The following GHRL variants were observed in gnomAD, a reference collection of about 807,000 sequenced individuals.
GHRL encodes the protein ghrelin and obestatin prepropeptide.
In GHRL, 24 loss-of-function variants were observed where a neutral mutation model predicts 16.9. That is an observed-to-expected ratio of 1.42 (90% CI 1.03 to 2.00). GHRL has a LOEUF of 2.00. Ranked by LOEUF, GHRL falls within the 30% of genes most tolerant of loss-of-function variation. GHRL has a pLI of 0.00. For missense variants in GHRL, 193 were observed against 142.1 expected (o/e 1.36, Z -1.82); for synonymous variants, 63 against 58.2 (o/e 1.08, Z -0.37).
At chr3:10,291,680 C>G (rs3755777) in intron 1 of GHRL, among the ~76,000 whole-genome samples, 35,348 of 152,188 alleles carry the variant, frequency 0.23, 5,561 homozygotes, top group East Asian at 0.49. Flanking sequence ...TTCCCTCGGC[C>G]CCAGGAATTT....
In GHRL at chr3:10,289,896, T is replaced by A. The variant is rs1488027720; in HGVS notation, c.109-18A>T. The A allele has an allele frequency of 6.3e-7, 1 of 1,584,626 alleles. No homozygotes were observed. On this transcript the variant is annotated intron_variant, in intron 3 of 5. Transcript: ENST00000335542. ...TTTCTCTGCTGGAAGGGGGAAACAG[T>A]CTGTTTAGGACTCTAAGCCCCCATG...
rs368444497 is a variant in GHRL, at chr3:10,289,620, C to T, written c.225+142G>A. The T allele has an allele frequency of 4.5e-4, 322 of 720,692 alleles. 4 individuals carry two copies. Among genetic ancestry groups the T allele is most frequent in the South Asian group, 4.1e-3 (265 of 65,284 alleles). 44.6% of individuals were successfully genotyped at this position (720,692 alleles called of 1,614,324 possible). On this transcript the variant is annotated intron_variant, in intron 4 of 5. Transcript: ENST00000335542. ...AGACCTCACAGAGCCCAGGGCAGAG[C>T]TCAACTCCTGTGGTACTGGTTTTAT... is the stretch of plus-strand genomic sequence containing the variant.
intron 1 of GHRL, 57 bp from the exon 2 acceptor site, chr3:10,291,508 C>T (rs1434372708): frequency 2.1e-6 from 2 of 968,012 alleles, no homozygotes; most frequent in African/African-American, 1.8e-5. Context: ...ATTGACTGGC[C>T]TTACGCCGAC....
At chr3:10,285,931 A>G (rs757622562) in intron 5 of GHRL, 37 bp from the exon 6 acceptor site, 4 of 1,599,336 alleles carry the variant, frequency 2.5e-6, no homozygotes, top group Admixed American at 3.4e-5. Context: ...TGCTGGGTGC[A>G]CCGTCCTGCT....
intron 4 of GHRL, 22 bp downstream of exon 4, chr3:10,289,740 A>G (rs756702651): frequency 7.0e-7 from 1 of 1,432,464 alleles, no homozygotes; most frequent in South Asian, 1.1e-5. Context: ...CCACAGAAGC[A>G]TAAAACTGCA....
rs997230125 is a variant in GHRL, at chr3:10,291,617, T to C, written c.-765-166A>G. On this transcript the variant is annotated intron_variant, in intron 1 of 5. Transcript: ENST00000335542. ...TGAAACACCCTGCAGATGACAATGG[T>C]TTCATACCAGGCCCATAGGACTTCC... Among the ~76,000 whole-genome samples the C allele has an allele frequency of 3.3e-5, 5 of 152,254 alleles. No individual in the cohort carries two copies. The East Asian group carries it at 5.8e-4, about 18-fold the overall frequency.
rs1211206146 is a variant in GHRL at position 10,287,941 on chromosome 3, T to TTA, written c.226-1130_226-1129insTA. 19 of 146,026 alleles carry TTA rather than the reference T, an allele frequency of 1.3e-4. No individual in the cohort carries two copies. In the South Asian group the frequency reaches 1.8e-3, roughly 13 times the overall value. The allele number at this position is 146,026 out of a possible 1,614,324, so 9.0% of individuals were successfully genotyped here. A position where few individuals can be genotyped will look rare whatever the true frequency, so the allele number is the denominator to read the frequency against. On this transcript the variant is annotated intron_variant, in intron 4 of 5. Coordinates refer to ENST00000335542, the MANE Select transcript of GHRL (RefSeq NM_016362.5). ...TTTTTTTTTTTTTTTTTTTTTTTTT[T>TTA]AAGGAGAGTTGGGGCCTTCCATTCC...
Position 10,290,826 on chromosome 3 carries a change from G to A in GHRL, c.-140C>T. 1.0e-6 allele frequency: 1 copy of A among 986,940 alleles called. No individual in the cohort carries two copies. Among genetic ancestry groups the A allele is most frequent in the Non-Finnish European group, 1.2e-6 (1 of 830,962 alleles). 61.1% of individuals were successfully genotyped at this position (986,940 alleles called of 1,614,324 possible). A position where few individuals can be genotyped will look rare whatever the true frequency, so the allele number is the denominator to read the frequency against. Reference sequence around the variant, plus strand: ...TCCCAGAGGTGGCCTAGCTTCCGTGGGGCTGATGTACATTCCTTGGGAACT... The same window carrying A: ...TCCCAGAGGTGGCCTAGCTTCCGTGAGGCTGATGTACATTCCTTGGGAACT... On this transcript the variant is annotated 5_prime_UTR_variant, in exon 2 of 6. Transcript: ENST00000335542.
At chr3:10,290,311 T>G (rs1341537972) in intron 2 of GHRL, 102 bp from the exon 3 acceptor site, 16 of 1,172,026 alleles carry the variant, frequency 1.4e-5, no homozygotes, top group Non-Finnish European at 1.9e-5. Flanking sequence ...CTTTACCATC[T>G]GGGGTCCTGA....
In GHRL at chr3:10,290,931, A is replaced by C. The variant is rs2125218647; in HGVS notation, c.-245T>G. ...GGAATTGCTGGGTTGGCGAGGGAAG[A>C]AGCATGTGCTCCAGCTGTCCCTGGA... On this transcript the variant is annotated 5_prime_UTR_variant, in exon 2 of 6. Coordinates refer to ENST00000335542, the MANE Select transcript of GHRL (RefSeq NM_016362.5). The C allele has an allele frequency of 9.1e-6, 9 of 985,690 alleles. No homozygotes were observed. The highest frequency in any genetic ancestry group is 9.6e-6 in the Non-Finnish European group (8 of 830,092). 61.1% of individuals were successfully genotyped at this position (985,690 alleles called of 1,614,324 possible). A position where few individuals can be genotyped will look rare whatever the true frequency, so the allele number is the denominator to read the frequency against.
chr3:10,285,937 C>G, intron 5 of GHRL, 43 bp from the exon 6 acceptor site: 1 of 1,583,226 alleles, frequency 6.3e-7, no homozygotes, highest in Non-Finnish European at 8.7e-7. Context: ...GTGCACCGTC[C>G]TGCTAGTGCT....
chr3:10,286,486 C>G (rs947463997), intron 5 of GHRL, among the ~76,000 whole-genome samples: 7 of 152,232 alleles, frequency 4.6e-5, no homozygotes, highest in African/African-American at 1.7e-4. Flanking sequence ...AGTTAATGTA[C>G]TAGTTCTTAG....
Position 10,290,771 on chromosome 3 carries a change from A to C in GHRL, c.-85T>G, listed in dbSNP as rs1699891245. The stretch of plus-strand genomic sequence containing the variant: ...GGCTGTCAGGTCCTTATATAGGATG[A>C]CTGGCGTTTGTTCTAAACCAGCAAC... On this transcript the variant is annotated 5_prime_UTR_variant, in exon 2 of 6. Transcript: ENST00000335542. The C allele has an allele frequency of 1.0e-6, 1 of 992,490 alleles. No homozygotes were observed. 61.5% of individuals were successfully genotyped at this position (992,490 alleles called of 1,614,324 possible).
chr3:10,290,200 A>G lies in GHRL; in HGVS notation c.-20T>C, dbSNP rs780022128. On this transcript the variant is annotated 5_prime_UTR_variant, in exon 3 of 6. Transcript: ENST00000335542. The stretch of plus-strand genomic sequence containing the variant: ...GGGCATGGCCTCAGCTGGGTTGCAG[A>G]CAGGTGGGCCTGGGGGAGAGAGGGT... 6.1e-5 allele frequency: 98 copies of G among 1,601,700 alleles called. No individual in the cohort carries two copies. The highest frequency in any genetic ancestry group is 7.8e-5 in the Non-Finnish European group (92 of 1,175,732).
rs778484168 is a variant in GHRL at position 10,285,677 on chromosome 3, A to G, written c.*198T>C. On this transcript the variant is annotated 3_prime_UTR_variant, in exon 6 of 6. Transcript: ENST00000335542. Reference sequence around the variant, plus strand: ...TAAACCAAGAATTATTTTTATTTGTATTATTTTGATTTTTTTAAAGTAAAA... The same window carrying G: ...TAAACCAAGAATTATTTTTATTTGTGTTATTTTGATTTTTTTAAAGTAAAA... 4.1e-5 allele frequency: 22 copies of G among 534,112 alleles called. No individual in the cohort carries two copies. Among genetic ancestry groups the G allele is most frequent in the Non-Finnish European group, 4.1e-5 (12 of 293,190 alleles). The allele number at this position is 534,112 out of a possible 1,614,324, so 33.1% of individuals were successfully genotyped here.
intron 2 of GHRL, 188 bp from the exon 3 acceptor site, chr3:10,290,397 C>T (rs1368071579): frequency 3.9e-5 from 23 of 584,074 alleles, no homozygotes; most frequent in Middle Eastern, 9.6e-4. Flanking sequence ...TCTCCAAGGC[C>T]GTTCAGGGCA....
In GHRL at chr3:10,292,916, A is replaced by C. The variant is rs552686864; in HGVS notation, c.-840T>G. 6.5e-7 allele frequency: 1 copy of C among 1,543,684 alleles called. No individual in the cohort carries two copies. Among genetic ancestry groups the C allele is most frequent in the East Asian group, 2.5e-5 (1 of 40,744 alleles). On this transcript the variant is annotated 5_prime_UTR_variant, in exon 1 of 6. Transcript: ENST00000335542. ...TAAGACCACCAGCAAGTAAACATCC[A>C]CTGTGCAAAGCTGTGTTATCTTTGG...
At chr3:10,291,503 C>G (rs756279159) in intron 1 of GHRL, 52 bp from the exon 2 acceptor site, 17 of 978,128 alleles carry the variant, frequency 1.7e-5, no homozygotes, top group Non-Finnish European at 1.9e-5. Context: ...CTCTCATTGA[C>G]TGGCCTTACG....
chr3:10,289,947 C>T (rs1168078055), intron 3 of GHRL, 69 bp from the exon 4 acceptor site: 2 of 1,490,022 alleles, frequency 1.3e-6, no homozygotes, highest in South Asian at 2.4e-5. Context: ...TGAGGTCAGA[C>T]CCAGAGTCCT....
Sources: gnomAD v4.1 joint callset for allele counts (sites outside exome capture counted in the v4.1 genomes callset) on GRCh38, gnomAD v4.1.1 for gene constraint, MANE v1.5 for transcripts, NCBI Gene and HGNC (gene_info 2026-07-23, HGNC 2026-07-21) for gene names.